Variants in RALGAPA2 observed in about 807,000 individuals in gnomAD.
RALGAPA2 encodes the protein Ral GTPase activating protein catalytic subunit alpha 2, also known as ral GTPase-activating protein subunit alpha-2.
RALGAPA2 carries 139 observed loss-of-function variants against 230.4 expected under a neutral mutation model. That is an observed-to-expected ratio of 0.60 (90% CI 0.53 to 0.69). The LOEUF is 0.69. RALGAPA2 is among the 30% of genes least tolerant of loss of function. The pLI, the probability that RALGAPA2 is intolerant of heterozygous loss-of-function variation, is 0.00. For synonymous variants in RALGAPA2, 847 were observed against 837.8 expected (o/e 1.01, Z -0.19); for missense variants, 2,163 against 2,276.0 (o/e 0.95, Z 1.01).
chr20:20,644,248 A>G (rs1185913512), intron 4 of RALGAPA2, among the ~76,000 whole-genome samples: 1 of 152,224 alleles, frequency 6.6e-6, no homozygotes, highest in African/African-American at 2.4e-5. Flanking sequence ...TTTAAAACAG[A>G]AATATACTGA....
intron 23 of RALGAPA2, among the ~76,000 whole-genome samples, chr20:20,560,962 T>C (rs764694993): frequency 1.3e-5 from 2 of 152,218 alleles, no homozygotes; most frequent in Non-Finnish European, 2.9e-5. Context: ...GAAACCCGTT[T>C]CATGGAATAA....
intron 37 of RALGAPA2, among the ~76,000 whole-genome samples, chr20:20,444,457 C>T (rs75123469): frequency 0.024 from 3,653 of 152,174 alleles, 59 homozygotes; most frequent in African/African-American, 0.036. Context: ...AATACACACA[C>T]GCACAGACAC....
At chr20:20,439,730 T>C (rs1002593059) in intron 37 of RALGAPA2, among the ~76,000 whole-genome samples, 2 of 152,202 alleles carry the variant, frequency 1.3e-5, no homozygotes, top group Non-Finnish European at 2.9e-5. Context: ...ACAGGTAATT[T>C]AATTCCATAA....
chr20:20,598,802 T>TA (rs2065544339), intron 16 of RALGAPA2: 2 of 456,484 alleles, frequency 4.4e-6, no homozygotes, highest in Admixed American at 2.4e-5. Flanking sequence ...CAGTTGCTGA[T>TA]AGACTGGCTT....
In RALGAPA2 at chr20:20,571,439, T is replaced by C. The variant is rs779643517; in HGVS notation, c.3156+19A>G. ...ATTTCCAATTAATGGGCAATCACAATAAAGGAGTCGCAGAATACCTGATCC... is the reference window on the plus strand; with the variant it reads ...ATTTCCAATTAATGGGCAATCACAACAAAGGAGTCGCAGAATACCTGATCC... On this transcript the variant is annotated intron_variant, in intron 23 of 39. Coordinates refer to ENST00000202677, the MANE Select transcript of RALGAPA2 (RefSeq NM_020343.4). 1.0e-5 allele frequency: 16 copies of C among 1,600,556 alleles called. No homozygotes were observed. The East Asian group carries it at 3.1e-4, about 31-fold the overall frequency.
At chr20:20,468,300 T>C (rs2061464199) in intron 37 of RALGAPA2, among the ~76,000 whole-genome samples, 2 of 152,196 alleles carry the variant, frequency 1.3e-5, no homozygotes, top group African/African-American at 4.8e-5. Context: ...TTTGGGCCTG[T>C]TTAGAAATTT....
chr20:20,597,824 G>A (rs966021336), intron 16 of RALGAPA2, among the ~76,000 whole-genome samples: 2 of 152,104 alleles, frequency 1.3e-5, no homozygotes, highest in Non-Finnish European at 2.9e-5. Context: ...GGGCAACAGA[G>A]AGAGATTCTG....
intron 37 of RALGAPA2, among the ~76,000 whole-genome samples, chr20:20,417,952 G>GCAAA (rs2060199480): frequency 6.6e-6 from 1 of 152,172 alleles, no homozygotes; most frequent in Non-Finnish European, 1.5e-5. Context: ...ATGTATGGGG[G>GCAAA]CAAACTCTTT....
chr20:20,513,683 C>T (rs2062786251), intron 31 of RALGAPA2, among the ~76,000 whole-genome samples: 1 of 152,144 alleles, frequency 6.6e-6, no homozygotes, highest in African/African-American at 2.4e-5. Flanking sequence ...TCTCAAGCCC[C>T]AGAGCTATCT....
intron 25 of RALGAPA2, 125 bp from the exon 26 acceptor site, chr20:20,535,928 A>G (rs756786729): frequency 5.1e-6 from 7 of 1,377,814 alleles, no homozygotes; most frequent in Non-Finnish European, 6.6e-6. Flanking sequence ...GAGCTCATCT[A>G]TGAGTGAGAG....
In RALGAPA2 at chr20:20,392,979, C is replaced by A; in HGVS notation, c.*310G>T. The A allele has an allele frequency of 9.6e-7, 1 of 1,045,226 alleles. No homozygotes were observed. Among genetic ancestry groups the A allele is most frequent in the Non-Finnish European group, 1.3e-6 (1 of 783,994 alleles). The allele number at this position is 1,045,226 out of a possible 1,614,324, so 64.7% of individuals were successfully genotyped here. Reference sequence around the variant, plus strand: ...TGGGTTCATCTCTGGTTTTTGGTGACTTTTTCTTTTCTTCTTTGGAAGTCC... The same window carrying A: ...TGGGTTCATCTCTGGTTTTTGGTGAATTTTTCTTTTCTTCTTTGGAAGTCC... On this transcript the variant is annotated 3_prime_UTR_variant, in exon 40 of 40. Transcript: ENST00000202677.
At chr20:20,397,819 A>T (rs1388286386) in intron 38 of RALGAPA2, among the ~76,000 whole-genome samples, 1 of 152,208 alleles carries the variant, frequency 6.6e-6, no homozygotes, top group East Asian at 1.9e-4. Flanking sequence ...CTATTGATGA[A>T]AATTGTCCCT....
At chr20:20,450,926 C>A (rs1224499026) in intron 37 of RALGAPA2, among the ~76,000 whole-genome samples, 1 of 152,200 alleles carries the variant, frequency 6.6e-6, no homozygotes, top group Non-Finnish European at 1.5e-5. Context: ...TATTTGAATA[C>A]TCCAGTGAAT....
chr20:20,603,679 GCTGA>G (rs1432156226), intron 15 of RALGAPA2, among the ~76,000 whole-genome samples: 1 of 152,208 alleles, frequency 6.6e-6, no homozygotes, highest in Non-Finnish European at 1.5e-5. Context: ...GAGCTGCCTA[GCTGA>G]CTATTTCACA....
At chr20:20,532,718 A>G (rs982817295) in intron 26 of RALGAPA2, among the ~76,000 whole-genome samples, 1 of 152,236 alleles carries the variant, frequency 6.6e-6, no homozygotes, top group Non-Finnish European at 1.5e-5. Flanking sequence ...AAGGCTGATC[A>G]GAATAAGAGT....
intron 10 of RALGAPA2, among the ~76,000 whole-genome samples, chr20:20,628,043 G>A (rs974686644): frequency 1.3e-5 from 2 of 152,148 alleles, no homozygotes; most frequent in African/African-American, 4.8e-5. Context: ...GCAGTGCCGG[G>A]CCACAGAACC....
At chr20:20,676,692 C>T (rs1190863902) in intron 2 of RALGAPA2, among the ~76,000 whole-genome samples, 1 of 152,124 alleles carries the variant, frequency 6.6e-6, no homozygotes, top group Non-Finnish European at 1.5e-5. Flanking sequence ...TCTTTTGGGG[C>T]AACTGCACAC....
chr20:20,693,619 T>C (rs1269228326), intron 1 of RALGAPA2, among the ~76,000 whole-genome samples: 1 of 152,190 alleles, frequency 6.6e-6, no homozygotes, highest in Non-Finnish European at 1.5e-5. Context: ...TGTCGAATAA[T>C]GTCTCATGTC....
chr20:20,400,013 C>G (rs879394358), intron 38 of RALGAPA2, among the ~76,000 whole-genome samples: 8 of 152,198 alleles, frequency 5.3e-5, no homozygotes, highest in Admixed American at 2.0e-4. Flanking sequence ...AAACAGTGGA[C>G]TAGGGCTCCA....
Sources: allele counts gnomAD v4.1 joint callset (sites outside exome capture counted in the v4.1 genomes callset), GRCh38; gene constraint gnomAD v4.1.1; transcripts MANE v1.5; gene names NCBI Gene and HGNC (gene_info 2026-07-23, HGNC 2026-07-21).